Variants in SLC13A3 observed in about 807,000 individuals in gnomAD.
SLC13A3 encodes Na(+)/dicarboxylate cotransporter 3.
Under a neutral mutation model 59.0 loss-of-function variants are expected in SLC13A3, and 40 were observed. That is an observed-to-expected ratio of 0.68 (90% CI 0.53 to 0.88). SLC13A3 has a LOEUF of 0.88. SLC13A3 is among the 40% of genes least tolerant of loss of function. The pLI, the probability that SLC13A3 is intolerant of heterozygous loss-of-function variation, is 0.00. For missense variants in SLC13A3, 699 were observed against 783.2 expected, an observed-to-expected ratio of 0.89 and a Z score of 1.28; for synonymous variants, 317 against 330.3, an observed-to-expected ratio of 0.96 and a Z score of 0.44.
chr20:46,620,894 T>C lies in SLC13A3; in HGVS notation c.112-7169A>G, dbSNP rs191962483. 3.9e-3 allele frequency among the ~76,000 whole-genome samples: 599 copies of C among 151,978 alleles called. 1 individual carries two copies. Among genetic ancestry groups the C allele is most frequent in the Non-Finnish European group, 6.3e-3 (431 of 67,984 alleles). On this transcript the variant is annotated intron_variant, in intron 1 of 12. Coordinates refer to ENST00000279027, the MANE Select transcript of SLC13A3 (RefSeq NM_022829.6). ...ACTGTCAATGGAAATTTTAAACAAA[T>C]GGGATCAAGATCCTGAAGCATTTCT...
At chr20:46,610,386 A>ATCCCAT in intron 3 of SLC13A3, 60 bp downstream of exon 3, 1 of 1,530,874 alleles carries the variant, frequency 6.5e-7, no homozygotes, top group Non-Finnish European at 8.8e-7. Context: ...TCCTTTGGAC[A>ATCCCAT]TCCCATTCCC....
intron 1 of SLC13A3, among the ~76,000 whole-genome samples, chr20:46,666,658 C>G (rs1461064393): frequency 1.3e-5 from 2 of 152,068 alleles, no homozygotes; most frequent in African/African-American, 2.4e-5. Context: ...CGCACACCAC[C>G]ATGCCTGGCT....
At chr20:46,603,046 C>G (rs563104874) in intron 3 of SLC13A3, among the ~76,000 whole-genome samples, 1 of 151,736 alleles carries the variant, frequency 6.6e-6, no homozygotes, top group Admixed American at 6.6e-5. Flanking sequence ...GGCATGGTGG[C>G]GCATGCCTGT....
chr20:46,615,357 A>G (rs1314028581), intron 1 of SLC13A3, among the ~76,000 whole-genome samples: 3 of 152,152 alleles, frequency 2.0e-5, no homozygotes. Context: ...CATAGAACAT[A>G]TCCTCAGCGA....
At chr20:46,630,241 C>T (rs144513206) in intron 1 of SLC13A3, among the ~76,000 whole-genome samples, 240 of 152,326 alleles carry the variant, frequency 1.6e-3, no homozygotes, top group African/African-American at 5.4e-3. Flanking sequence ...CCTTTACAGC[C>T]ATACAGGTGA....
intron 8 of SLC13A3, among the ~76,000 whole-genome samples, chr20:46,587,424 C>A (rs1407386503): frequency 6.6e-6 from 1 of 152,156 alleles, no homozygotes; most frequent in Non-Finnish European, 1.5e-5. Flanking sequence ...CCCTCCCCTA[C>A]CTTTCCTCAC....
rs2062683014 is a variant in SLC13A3, at chr20:46,627,238, A to G, written c.112-13513T>C. On this transcript the variant is annotated intron_variant, in intron 1 of 12. Transcript: ENST00000279027. ...ATTTCAAACTCATATGCAGGGGACA[A>G]TTTAATGAGTAATATGGGCTGGTGT... is the stretch of plus-strand genomic sequence containing the variant. Among the ~76,000 whole-genome samples the G allele has an allele frequency of 3.9e-5, 6 of 152,250 alleles. No homozygotes were observed. In the South Asian group the frequency reaches 1.2e-3, roughly 31 times the overall value.
intron 3 of SLC13A3, 98 bp downstream of exon 3, chr20:46,610,348 G>T (rs2062481808): frequency 1.7e-6 from 2 of 1,151,188 alleles, no homozygotes; most frequent in Admixed American, 2.3e-5. Flanking sequence ...TGCTCAATAA[G>T]TGTGCATGCC....
chr20:46,662,180 G>C (rs1405523920), intron 1 of SLC13A3, among the ~76,000 whole-genome samples: 1 of 152,116 alleles, frequency 6.6e-6, no homozygotes, highest in Non-Finnish European at 1.5e-5. Flanking sequence ...CTGGAGGTTA[G>C]CTCCTTTAGG....
At chr20:46,595,854 C>T (rs889940592) in intron 5 of SLC13A3, among the ~76,000 whole-genome samples, 8 of 152,094 alleles carry the variant, frequency 5.3e-5, no homozygotes, top group Non-Finnish European at 8.8e-5. Flanking sequence ...GTGTCCTTGA[C>T]CAACCTACAT....
upstream of SLC13A3, among the ~76,000 whole-genome samples, chr20:46,654,043 C>A (rs766678274): frequency 6.6e-6 from 1 of 152,140 alleles, no homozygotes; most frequent in Non-Finnish European, 1.5e-5. Context: ...TTCACAGAGG[C>A]TGCACTATTT....
chr20:46,608,726 A>G (rs2062461514), intron 3 of SLC13A3: 4 of 874,218 alleles, frequency 4.6e-6, no homozygotes, highest in African/African-American at 1.7e-5. Flanking sequence ...TTTAACAGAT[A>G]CGTATTTAAT....
At chr20:46,571,815 T>C (rs899777974) in intron 10 of SLC13A3, among the ~76,000 whole-genome samples, 1 of 151,932 alleles carries the variant, frequency 6.6e-6, no homozygotes, top group East Asian at 1.9e-4. Flanking sequence ...GACTGAGACC[T>C]GAAGAGTGAG....
chr20:46,638,136 C>T (rs773411606), intron 1 of SLC13A3, among the ~76,000 whole-genome samples: 23 of 152,182 alleles, frequency 1.5e-4, no homozygotes, highest in Non-Finnish European at 3.1e-4. Context: ...TGGTCCCAGA[C>T]ACTGGCAGAG....
chr20:46,637,451 AGGAGGAAAT>A (rs1472010479), intron 1 of SLC13A3, among the ~76,000 whole-genome samples: 1 of 152,170 alleles, frequency 6.6e-6, no homozygotes. Flanking sequence ...CATTTTATAC[AGGAGGAAAT>A]GGAGGCTCAG....
At chr20:46,659,457 T>A (rs962807522) in intron 1 of SLC13A3, among the ~76,000 whole-genome samples, 1 of 152,146 alleles carries the variant, frequency 6.6e-6, no homozygotes, top group African/African-American at 2.4e-5. Context: ...TTGCTCATGC[T>A]TGTAATCCCA....
intron 3 of SLC13A3, chr20:46,600,714 T>C (rs1045891003): frequency 6.2e-6 from 2 of 320,154 alleles, no homozygotes; most frequent in East Asian, 8.7e-5. Context: ...ACCTACTATG[T>C]GCTATTGACT....
intron 11 of SLC13A3, among the ~76,000 whole-genome samples, chr20:46,564,059 G>A (rs960914640): frequency 2.0e-5 from 3 of 152,206 alleles, no homozygotes; most frequent in Non-Finnish European, 2.9e-5. Context: ...GTGTTCCCCC[G>A]GTGCTGCTGG....
chr20:46,603,139 T>C (rs1418978100), intron 3 of SLC13A3, among the ~76,000 whole-genome samples: 3 of 151,672 alleles, frequency 2.0e-5, no homozygotes, highest in Non-Finnish European at 4.4e-5. Context: ...GATAGCACCA[T>C]TGCACACCAC....
Sources: allele counts gnomAD v4.1 joint callset (sites outside exome capture counted in the v4.1 genomes callset), GRCh38; gene constraint gnomAD v4.1.1; transcripts MANE v1.5; gene names NCBI Gene and HGNC (gene_info 2026-07-23, HGNC 2026-07-21).